The following TDRD9 variants were observed in gnomAD, a reference collection of about 807,000 sequenced individuals.
The protein encoded by TDRD9 is tudor domain containing 9.
A neutral mutation model predicts 172.6 loss-of-function variants in TDRD9; 124 were observed. That is an observed-to-expected ratio of 0.72 (90% confidence interval 0.62 to 0.83). The LOEUF (loss-of-function observed/expected upper bound fraction) is 0.83, where lower values mean the gene tolerates loss of function less well. TDRD9 is among the 40% of genes least tolerant of loss of function. TDRD9 has a pLI of 0.00. For synonymous variants in TDRD9, 619 were observed against 617.1 expected (o/e 1.00, Z -0.05); for missense variants, 1,479 against 1,714.1 (o/e 0.86, Z 2.42).
At chr14:104,046,174 C>A (rs1338300655) in intron 34 of TDRD9, among the ~76,000 whole-genome samples, 1 of 152,206 alleles carries the variant, frequency 6.6e-6, no homozygotes, top group African/African-American at 2.4e-5. Flanking sequence ...CCAGAATGAT[C>A]TCGATCTCTT....
intron 25 of TDRD9, among the ~76,000 whole-genome samples, chr14:104,024,919 A>C (rs1329239121): frequency 1.3e-5 from 2 of 152,244 alleles, no homozygotes; most frequent in African/African-American, 4.8e-5. Flanking sequence ...AATTTTTAAA[A>C]TATCAAGTAC....
chr14:104,013,960 T>G (rs2034696078), intron 20 of TDRD9: 1 of 152,262 alleles, frequency 6.6e-6, no homozygotes, highest in Admixed American at 6.5e-5. Flanking sequence ...CCAGGCATGG[T>G]GGCTCACGCC....
rs551370535 is a variant in TDRD9 at position 104,000,651 on chromosome 14, G to A, written c.1483+1923G>A. ...AATACAAAAATTTGCTGAGTGTGGT[G>A]GCACACACCTGTAATCCCAACTACT... On this transcript the variant is annotated intron_variant, in intron 13 of 35. Coordinates refer to ENST00000409874, the MANE Select transcript of TDRD9 (RefSeq NM_153046.3). Among the ~76,000 whole-genome samples the A allele has an allele frequency of 2.0e-5, 3 of 152,176 alleles. No individual in the cohort carries two copies. The South Asian group carries it at 6.2e-4, about 32-fold the overall frequency.
At chr14:104,000,783 TC>T (rs2034235090) in intron 13 of TDRD9, among the ~76,000 whole-genome samples, 1 of 151,952 alleles carries the variant, frequency 6.6e-6, no homozygotes, top group Non-Finnish European at 1.5e-5. Flanking sequence ...AGACTGTGTC[TC>T]AAAAAAAACA....
At chr14:103,978,234 G>A (rs906468130) in intron 7 of TDRD9, among the ~76,000 whole-genome samples, 2 of 151,768 alleles carry the variant, frequency 1.3e-5, no homozygotes, top group African/African-American at 4.8e-5. Context: ...GATTGAAATT[G>A]TATGAATCTG....
intron 1 of TDRD9, among the ~76,000 whole-genome samples, chr14:103,931,955 T>C (rs2030417343): frequency 6.6e-6 from 1 of 152,090 alleles, no homozygotes; most frequent in Admixed American, 6.6e-5. Context: ...TGACAGCAGG[T>C]AAGGAAATGG....
intron 28 of TDRD9, 141 bp downstream of exon 28, chr14:104,027,080 C>A: frequency 2.4e-6 from 2 of 844,014 alleles, no homozygotes; most frequent in Non-Finnish European, 3.6e-6. Flanking sequence ...TGTGTTAAGA[C>A]TGGTGGCACC....
At chr14:104,008,020 C>G (rs1431806118) in intron 19 of TDRD9, among the ~76,000 whole-genome samples, 1 of 152,188 alleles carries the variant, frequency 6.6e-6, no homozygotes. Flanking sequence ...ACCTTGTGAT[C>G]TGCCCGCCTC....
intron 20 of TDRD9, among the ~76,000 whole-genome samples, chr14:104,009,935 TTTTC>T (rs1029072852): frequency 6.6e-5 from 10 of 151,328 alleles, no homozygotes; most frequent in Middle Eastern, 6.8e-3. Context: ...GTAATTTGTT[TTTTC>T]TTTCTTTCTT....
chr14:103,961,158 A>G (rs572076945), intron 2 of TDRD9, among the ~76,000 whole-genome samples: 46 of 152,336 alleles, frequency 3.0e-4, no homozygotes, highest in African/African-American at 1.1e-3. Flanking sequence ...ATTAACTGGG[A>G]AAACAAGAAG....
rs6576013 is a variant in TDRD9, at chr14:103,963,116, A to G, written c.360A>G (p.Thr120=). The G allele has an allele frequency of 0.99, 1,537,387 of 1,549,602 alleles. 763,383 individuals are homozygous for G. The highest frequency in any genetic ancestry group is 1 in the East Asian group (40,833 of 40,834). ...CTTTGGCTAAATTAAGCAGTGTGAC[A>G]TGCATCCCAGGGACAACTTATAAAT... is the stretch of plus-strand genomic sequence containing the variant. ...RPSLAKLSSV[T]CIPGTTYKYP... Residue 120 remains threonine, a synonymous_variant, in exon 3 of 36, where the codon ACA becomes ACG. Coordinates refer to ENST00000409874, the MANE Select transcript of TDRD9 (RefSeq NM_153046.3).
chr14:103,994,468 A>T (rs2033984245), intron 10 of TDRD9, 51 bp from the exon 11 acceptor site: 1 of 1,604,316 alleles, frequency 6.2e-7, no homozygotes, highest in African/African-American at 1.3e-5. Context: ...TTATTTTTGT[A>T]TCTCATGTAT....
At chr14:103,970,986 T>C (rs117407811) in intron 6 of TDRD9, among the ~76,000 whole-genome samples, 3,553 of 152,232 alleles carry the variant, frequency 0.023, 79 homozygotes, top group East Asian at 0.071. Flanking sequence ...GAGGGCTGAC[T>C]GTATTTTTTT....
Position 104,026,924 on chromosome 14 carries a change from G to A in TDRD9, c.3267G>A (p.Glu1089=), listed in dbSNP as rs370027439. 60 of 1,613,750 alleles carry A rather than the reference G, an allele frequency of 3.7e-5. No homozygotes were observed. Among genetic ancestry groups the A allele is most frequent in the South Asian group, 1.5e-4 (14 of 91,082 alleles). ...IQQGYAELTE[E]SYESKQSHEV... is the part of the protein sequence containing the mutation. ...AGGGCTATGCCGAGCTCACGGAGGA[G>A]TCCTACGAGTCCAAGGTGTGTGCTT... Residue 1089 remains glutamate, a synonymous_variant, in exon 28 of 36, where the codon GAG becomes GAA. Transcript: ENST00000409874.
chr14:104,014,944 C>A, intron 21 of TDRD9, 103 bp downstream of exon 21: 1 of 648,818 alleles, frequency 1.5e-6, no homozygotes, highest in South Asian at 2.1e-5. Flanking sequence ...CAAACCAAAC[C>A]TCAAAGGAGA....
At chr14:104,044,546 A>G (rs1358639276) in intron 34 of TDRD9, among the ~76,000 whole-genome samples, 1 of 152,158 alleles carries the variant, frequency 6.6e-6, no homozygotes, top group Admixed American at 6.6e-5. Flanking sequence ...ATTTTTATAT[A>G]TGTGGAATCA....
Position 103,967,027 on chromosome 14 carries a change from G to A in TDRD9, c.765+196G>A, listed in dbSNP as rs540221044. 3.3e-5 allele frequency among the ~76,000 whole-genome samples: 5 copies of A among 152,194 alleles called. No homozygotes were observed. The South Asian group carries it at 8.3e-4, about 25-fold the overall frequency. On this transcript the variant is annotated intron_variant, in intron 5 of 35. Coordinates refer to ENST00000409874, the MANE Select transcript of TDRD9 (RefSeq NM_153046.3). The stretch of plus-strand genomic sequence containing the variant: ...TTTTAAACATGAGTTTTTTGGTGGG[G>A]AATGTTGTGTTTGAATAACTTTCCC...
Position 104,008,450 on chromosome 14 carries a change from T to A in TDRD9, c.2090T>A (p.Ile697Asn). 1 of 1,566,782 alleles carries A rather than the reference T, an allele frequency of 6.4e-7. No individual in the cohort carries two copies. Among genetic ancestry groups the A allele is most frequent in the Non-Finnish European group, 8.8e-7 (1 of 1,138,466 alleles). Residue 697 changes from isoleucine (I) to asparagine (N), a missense_variant, in exon 20 of 36, where the codon ATC becomes AAC. Ile to Asn is a moderately radical substitution (Grantham distance 149, BLOSUM62 -3). This residue lies in a region of TDRD9 where 1,413 missense variants were observed against 1,649.1 expected (regional missense o/e 0.86). Transcript: ENST00000409874. ...TGGGGACGGTTAAATTACATTCAAA[T>A]CAAGAGAATTAGAGAGGTAAGTTAA... ...LNWGRLNYIQ[I>N]KRIREVAELY...
chr14:104,034,397 A>G (rs1030091271), intron 31 of TDRD9, among the ~76,000 whole-genome samples: 25 of 151,914 alleles, frequency 1.6e-4, no homozygotes, highest in Non-Finnish European at 1.8e-4. Context: ...TCACTGTGTT[A>G]GCCAGGATAG....
Sources: allele counts gnomAD v4.1 joint callset (sites outside exome capture counted in the v4.1 genomes callset), GRCh38; gene constraint gnomAD v4.1.1; regional missense constraint gnomAD v4.1.1; transcripts MANE v1.5; gene names NCBI Gene and HGNC (gene_info 2026-07-23, HGNC 2026-07-21).